Variants in PRKN observed in about 807,000 individuals in gnomAD.
PRKN encodes parkin RBR E3 ubiquitin protein ligase, also known as E3 ubiquitin-protein ligase parkin.
PRKN carries 56 observed loss-of-function variants against 59.5 expected under a neutral mutation model. The observed-to-expected ratio is 0.94, with a 90% confidence interval of 0.76 to 1.18. The LOEUF is 1.18. Among genes scored for constraint, PRKN ranks in the 50% most tolerant of loss-of-function variants. The probability of loss-of-function intolerance (pLI) is 0.00; values close to 1 mark genes in which losing one functional copy is unlikely to be tolerated. For synonymous variants in PRKN, 250 were observed against 222.1 expected (o/e 1.13, Z -1.12); for missense variants, 657 against 596.4 (o/e 1.10, Z -1.06).
At chr6:162,562,145 C>T (rs1305093461) in intron 1 of PRKN, among the ~76,000 whole-genome samples, 1 of 152,096 alleles carries the variant, frequency 6.6e-6, no homozygotes, top group Admixed American at 6.6e-5. Flanking sequence ...ATTGTGAGGC[C>T]TCTGTTCTAG....
intron 9 of PRKN, among the ~76,000 whole-genome samples, chr6:161,455,845 C>T (rs903225908): frequency 2.2e-5 from 3 of 138,366 alleles, no homozygotes; most frequent in African/African-American, 8.3e-5. Flanking sequence ...CCTGGCGACA[C>T]AGCAAGACTC....
chr6:162,595,984 C>T (rs1211988370), intron 1 of PRKN, among the ~76,000 whole-genome samples: 1 of 151,892 alleles, frequency 6.6e-6, no homozygotes, highest in East Asian at 1.9e-4. Context: ...AACAAGTTTG[C>T]TGTAGAAACT....
At chr6:161,622,389 A>T (rs1042174424) in intron 7 of PRKN, among the ~76,000 whole-genome samples, 1 of 151,924 alleles carries the variant, frequency 6.6e-6, no homozygotes, top group African/African-American at 2.4e-5. Context: ...GCCCCTTTCC[A>T]GCGACCTCCC....
chr6:161,857,126 G>A (rs1793689712), intron 6 of PRKN, among the ~76,000 whole-genome samples: 1 of 152,152 alleles, frequency 6.6e-6, no homozygotes, highest in African/African-American at 2.4e-5. Flanking sequence ...CTACTCGGGA[G>A]GCTGAGGCAG....
intron 6 of PRKN, among the ~76,000 whole-genome samples, chr6:161,903,369 A>C (rs1052346561): frequency 5.9e-5 from 9 of 152,080 alleles, no homozygotes; most frequent in Non-Finnish European, 1.2e-4. Context: ...ACTTTCACCA[A>C]TTGTTGGATG....
chr6:162,468,534 G>A (rs1421299190), intron 1 of PRKN, among the ~76,000 whole-genome samples: 1 of 152,142 alleles, frequency 6.6e-6, no homozygotes, highest in African/African-American at 2.4e-5. Flanking sequence ...ATTTCACCAA[G>A]GCATTTGGCA....
intron 7 of PRKN, among the ~76,000 whole-genome samples, chr6:161,600,661 G>C (rs1419047470): frequency 1.3e-5 from 2 of 152,112 alleles, no homozygotes; most frequent in East Asian, 3.8e-4. Context: ...ACTAACCTCA[G>C]TTAAACTTTT....
chr6:162,464,610 T>C (rs1791329997), intron 1 of PRKN, among the ~76,000 whole-genome samples: 2 of 136,772 alleles, frequency 1.5e-5, no homozygotes, highest in East Asian at 4.3e-4. Context: ...GGTCAGGAGA[T>C]CAAGACCATC....
intron 2 of PRKN, among the ~76,000 whole-genome samples, chr6:162,283,249 GCTTT>G (rs1781001476): frequency 6.6e-6 from 1 of 151,980 alleles, no homozygotes; most frequent in African/African-American, 2.4e-5. Flanking sequence ...ATATATTTGT[GCTTT>G]CTAACTTTTA....
intron 5 of PRKN, among the ~76,000 whole-genome samples, chr6:162,029,166 T>A (rs529112782): frequency 6.6e-6 from 1 of 152,124 alleles, no homozygotes; most frequent in Non-Finnish European, 1.5e-5. Flanking sequence ...CAAGGAGCTC[T>A]GCAGAAACAA....
chr6:162,318,483 A>G (rs1222131307), intron 2 of PRKN, among the ~76,000 whole-genome samples: 1 of 152,102 alleles, frequency 6.6e-6, no homozygotes, highest in African/African-American at 2.4e-5. Flanking sequence ...GTATATACCT[A>G]GAAATGAAAT....
chr6:162,452,457 G>T (rs6909474), intron 1 of PRKN, among the ~76,000 whole-genome samples: 68,327 of 151,594 alleles, frequency 0.45, 17,641 homozygotes, highest in African/African-American at 0.71. Flanking sequence ...TGTATGCCAA[G>T]TATGGCATAA....
At chr6:162,267,807 G>GT (rs1197361725) in intron 2 of PRKN, among the ~76,000 whole-genome samples, 3 of 151,788 alleles carry the variant, frequency 2.0e-5, no homozygotes, top group East Asian at 3.9e-4. Flanking sequence ...ATCCATGGGA[G>GT]TTTTTTTTGC....
intron 7 of PRKN, among the ~76,000 whole-genome samples, chr6:161,573,525 C>A (rs1166934035): frequency 5.3e-5 from 8 of 150,768 alleles, no homozygotes; most frequent in South Asian, 2.1e-4. Context: ...TTGAGACCAT[C>A]GTGGCTAATA....
chr6:162,633,962 A>C (rs1777614366), intron 1 of PRKN, among the ~76,000 whole-genome samples: 1 of 152,200 alleles, frequency 6.6e-6, no homozygotes, highest in South Asian at 2.1e-4. Context: ...AGGAGAAATG[A>C]GACAGTTACA....
chr6:161,832,555 C>A (rs555018468), intron 6 of PRKN, among the ~76,000 whole-genome samples: 2 of 134,930 alleles, frequency 1.5e-5, no homozygotes, highest in Non-Finnish European at 3.0e-5. Flanking sequence ...ACCCAGGAGG[C>A]GGTGGTTGCA....
At chr6:161,760,841 T>C (rs1304270167) in intron 7 of PRKN, among the ~76,000 whole-genome samples, 1 of 152,214 alleles carries the variant, frequency 6.6e-6, no homozygotes, top group Non-Finnish European at 1.5e-5. Flanking sequence ...CCCTAATATT[T>C]GTGCGTTTTC....
chr6:162,151,347 GA>G (rs533199606), intron 4 of PRKN, among the ~76,000 whole-genome samples: 13 of 152,162 alleles, frequency 8.5e-5, no homozygotes, highest in Non-Finnish European at 1.8e-4. Flanking sequence ...CTTAGAAAAT[GA>G]AATTTCATGC....
At chr6:162,622,555 C>A (rs1782719433) in intron 1 of PRKN, among the ~76,000 whole-genome samples, 1 of 152,272 alleles carries the variant, frequency 6.6e-6, no homozygotes, top group Middle Eastern at 3.4e-3. Context: ...CTGAATTGTA[C>A]ATGAATCTTC....
Sources: gnomAD v4.1 joint callset for allele counts (sites outside exome capture counted in the v4.1 genomes callset) on GRCh38, gnomAD v4.1.1 for gene constraint, MANE v1.5 for transcripts, NCBI Gene and HGNC (gene_info 2026-07-23, HGNC 2026-07-21) for gene names.